The following SLC9C2 variants were observed in gnomAD, a reference collection of about 807,000 sequenced individuals.
The protein encoded by SLC9C2 is solute carrier family 9 member C2 (putative).
SLC9C2 carries 75 observed loss-of-function variants against 140.2 expected under a neutral mutation model. The ratio of observed to expected loss-of-function variants is 0.53; its 90% CI spans 0.44 to 0.65. The LOEUF is 0.65. Ranked by LOEUF, SLC9C2 falls within the 30% of genes least tolerant of loss-of-function variation. The pLI, the probability that SLC9C2 is intolerant of heterozygous loss-of-function variation, is 0.00. For synonymous variants in SLC9C2, 375 were observed against 420.9 expected, an observed-to-expected ratio of 0.89 and a Z score of 1.34; for missense variants, 1,074 against 1,331.8, an observed-to-expected ratio of 0.81 and a Z score of 3.01.
chr1:173,561,785 A>T (rs561410918), intron 9 of SLC9C2, among the ~76,000 whole-genome samples: 2 of 152,074 alleles, frequency 1.3e-5, no homozygotes, highest in South Asian at 4.2e-4. Flanking sequence ...CCAATCATAC[A>T]TGAAAAAGAT....
rs146614979 is a variant in SLC9C2 at position 173,506,858 on chromosome 1, G to C, written c.3223C>G (p.Gln1075Glu). The C allele has an allele frequency of 1.2e-4, 195 of 1,611,108 alleles. 1 individual carries two copies. The highest frequency in any genetic ancestry group is 2.5e-4 in the East Asian group (11 of 44,764). ...TCTTTAGAAATGATATTTCTTACCT[G>C]CTCACAGGTTGTAGGTATAATGCAA... Reference protein sequence around the residue: ...APCIIPTTCEQVQGTSDLSKL... With the variant: ...APCIIPTTCEEVQGTSDLSKL... Residue 1075 changes from glutamine (Q) to glutamate (E), a missense_variant and splice_region_variant, in exon 25 of 28, where the codon CAG (glutamine) becomes GAG (glutamate). By Grantham distance (29) the Gln-to-Glu change is conservative (BLOSUM62 2). Transcript: ENST00000367714.
At chr1:173,554,083 T>C (rs1428430949) in intron 11 of SLC9C2, among the ~76,000 whole-genome samples, 1 of 152,246 alleles carries the variant, frequency 6.6e-6, no homozygotes, top group Admixed American at 6.5e-5. Flanking sequence ...AGATTCCTTT[T>C]AGAAATAACC....
In SLC9C2 at chr1:173,547,752, T is replaced by G. The variant is rs1242018050; in HGVS notation, c.1494A>C (p.Thr498=). The G allele has an allele frequency of 6.2e-7, 1 of 1,612,326 alleles. No homozygotes were observed. Among genetic ancestry groups the G allele is most frequent in the Non-Finnish European group, 8.5e-7 (1 of 1,178,798 alleles). ...FSHVSHNDMK[T]ESTTDEALME... ...TTAAAGCTTCATCTGTTGTGGATTCTGTCTTCATATCATTATGTGAAACGT... is the reference window on the plus strand; with the variant it reads ...TTAAAGCTTCATCTGTTGTGGATTCGGTCTTCATATCATTATGTGAAACGT... The change falls in exon 13 of 28, where the codon ACA becomes ACC. Residue 498 remains threonine (T), a synonymous_variant. Coordinates refer to ENST00000367714, the MANE Select transcript of SLC9C2 (RefSeq NM_178527.4).
At chr1:173,560,942 A>G (rs188261494) in intron 9 of SLC9C2, among the ~76,000 whole-genome samples, 74 of 152,118 alleles carry the variant, frequency 4.9e-4, no homozygotes, top group Non-Finnish European at 9.4e-4. Flanking sequence ...GACTACAGGC[A>G]TGTGCAACCA....
intron 16 of SLC9C2, 140 bp from the exon 17 acceptor site, chr1:173,533,937 C>T (rs1661767217): frequency 1.1e-6 from 1 of 949,968 alleles, no homozygotes; most frequent in East Asian, 3.3e-5. Flanking sequence ...CATTTGGAAT[C>T]CCCCCAAAAA....
chr1:173,561,842 T>TAC (rs1337862525), intron 9 of SLC9C2, among the ~76,000 whole-genome samples: 92 of 134,016 alleles, frequency 6.9e-4, no homozygotes, highest in African/African-American at 2.6e-3. Context: ...TCACATAAGA[T>TAC]ACACACACAC....
chr1:173,592,583 A>G (rs1468936552), intron 4 of SLC9C2, among the ~76,000 whole-genome samples: 1 of 152,084 alleles, frequency 6.6e-6, no homozygotes, highest in African/African-American at 2.4e-5. Context: ...CTCCCTGGTA[A>G]GCTGTATTCT....
intron 13 of SLC9C2, among the ~76,000 whole-genome samples, chr1:173,537,580 GTGTATATATATGTGTGTGTATATATA>G (rs1395495675): frequency 1.4e-5 from 2 of 142,354 alleles, no homozygotes; most frequent in African/African-American, 2.8e-5. Flanking sequence ...ATATGTGTGT[GTGTATATATATGTGTGTGTATATATA>G]TGTATATATA....
intron 18 of SLC9C2, among the ~76,000 whole-genome samples, chr1:173,528,898 A>G (rs1172369752): frequency 6.6e-6 from 1 of 152,190 alleles, no homozygotes; most frequent in Non-Finnish European, 1.5e-5. Context: ...AAACAGAATG[A>G]AATATAGAAA....
intron 4 of SLC9C2, among the ~76,000 whole-genome samples, chr1:173,595,627 A>C (rs574754302): frequency 6.6e-6 from 1 of 152,308 alleles, no homozygotes; most frequent in Non-Finnish European, 1.5e-5. Context: ...CCACCAAAAA[A>C]TAGAACATAA....
At chr1:173,550,199 C>T (rs557261998) in intron 11 of SLC9C2, among the ~76,000 whole-genome samples, 1 of 151,988 alleles carries the variant, frequency 6.6e-6, no homozygotes, top group Non-Finnish European at 1.5e-5. Context: ...CCCAGGAATT[C>T]AAGACCAACC....
chr1:173,534,323 T>A (rs1028625023), intron 16 of SLC9C2, among the ~76,000 whole-genome samples, 161 bp downstream of exon 16: 1 of 152,098 alleles, frequency 6.6e-6, no homozygotes, highest in Non-Finnish European at 1.5e-5. Context: ...AATTTCACTA[T>A]TAAACTTGGA....
chr1:173,594,899 G>GT (rs1478553640), intron 4 of SLC9C2, among the ~76,000 whole-genome samples: 1 of 151,966 alleles, frequency 6.6e-6, no homozygotes, highest in Admixed American at 6.6e-5. Flanking sequence ...TGGTTGTTTT[G>GT]TTTTTTGTTT....
At chr1:173,541,795 T>C (rs1371861562) in intron 13 of SLC9C2, among the ~76,000 whole-genome samples, 5 of 152,322 alleles carry the variant, frequency 3.3e-5, no homozygotes, top group African/African-American at 9.6e-5. Flanking sequence ...GAAATAAAGA[T>C]GTTCTTTGAA....
intron 9 of SLC9C2, among the ~76,000 whole-genome samples, chr1:173,562,757 A>G (rs1571567268): frequency 1.3e-5 from 2 of 152,228 alleles, no homozygotes; most frequent in African/African-American, 4.8e-5. Flanking sequence ...TTAGAAGTGG[A>G]ATACAAACAT....
chr1:173,545,264 C>A (rs944767026), intron 13 of SLC9C2, among the ~76,000 whole-genome samples: 1 of 152,286 alleles, frequency 6.6e-6, no homozygotes, highest in South Asian at 2.1e-4. Flanking sequence ...ACAATTTTTA[C>A]GGTAATTGTG....
chr1:173,598,892 C>T (rs1666596906), intron 3 of SLC9C2, among the ~76,000 whole-genome samples: 3 of 152,180 alleles, frequency 2.0e-5, no homozygotes, highest in Admixed American at 2.0e-4. Flanking sequence ...CAAGCATTAT[C>T]TCCATTTTTC....
chr1:173,587,707 T>C lies in SLC9C2; in HGVS notation c.481A>G (p.Ile161Val). 1 of 1,613,436 alleles carries C rather than the reference T, an allele frequency of 6.2e-7. No individual in the cohort carries two copies. Among genetic ancestry groups the C allele is most frequent in the East Asian group, 2.2e-5 (1 of 44,804 alleles). The stretch of plus-strand genomic sequence containing the variant: ...TTCACAGAACGAAGAGGATCTATAA[T>C]GCCAAGGGTGATGCTAAAGAGTAGG... ...SCLLFSITLG[I>V]IDPLRSVNSL... The change falls in exon 5 of 28, where the codon ATT becomes GTT. Residue 161 changes from isoleucine to valine, a missense_variant. By Grantham distance (29) the Ile-to-Val change is conservative. Coordinates refer to ENST00000367714, the MANE Select transcript of SLC9C2 (RefSeq NM_178527.4).
At position 173,501,737 on chromosome 1, in the gene SLC9C2, G is replaced by A. The variant is rs988728364; in HGVS notation, c.3372-640C>T. ...TATTTGACTCTTAATTCCTCTTTGT[G>A]AAATAAGGTCCCTTTAAGAGAGAGG... On this transcript the variant is annotated intron_variant, in intron 27 of 27. Transcript: ENST00000367714. Among the ~76,000 whole-genome samples the A allele has an allele frequency of 3.3e-5, 5 of 152,050 alleles. No homozygotes were observed. In the East Asian group the frequency reaches 5.8e-4, roughly 18 times the overall value.
Sources: allele counts gnomAD v4.1 joint callset (sites outside exome capture counted in the v4.1 genomes callset), GRCh38; gene constraint gnomAD v4.1.1; transcripts MANE v1.5; gene names NCBI Gene and HGNC (gene_info 2026-07-23, HGNC 2026-07-21).